The following RALA variants were observed in gnomAD, a reference collection of about 807,000 sequenced individuals.
RALA encodes RAS like proto-oncogene A, also known as ras-related protein Ral-A.
RALA carries 5 observed loss-of-function variants against 24.0 expected under a neutral mutation model. The ratio of observed to expected loss-of-function variants is 0.21; its 90% CI spans 0.11 to 0.44. The LOEUF (loss-of-function observed/expected upper bound fraction) is 0.44. Among genes scored for constraint, RALA ranks in the 20% least tolerant of loss-of-function variants. The pLI, the probability that RALA is intolerant of heterozygous loss-of-function variation, is 0.99. For missense variants in RALA, 95 were observed against 241.2 expected, an observed-to-expected ratio of 0.39 and a Z score of 4.01; for synonymous variants, 77 against 83.8, an observed-to-expected ratio of 0.92 and a Z score of 0.44.
chr7:39,649,658 A>G (rs1791987977), intron 1 of RALA, among the ~76,000 whole-genome samples: 2 of 152,318 alleles, frequency 1.3e-5, no homozygotes, highest in Admixed American at 6.5e-5. Flanking sequence ...CCACAGAACT[A>G]TGAGAAATAA....
At chr7:39,641,139 G>A (rs1791809065) in intron 1 of RALA, among the ~76,000 whole-genome samples, 1 of 152,086 alleles carries the variant, frequency 6.6e-6, no homozygotes, top group African/African-American at 2.4e-5. Context: ...AGGAGGGGAA[G>A]GGGTGCTGGA....
chr7:39,684,712 TA>T (rs34582850), intron 1 of RALA, among the ~76,000 whole-genome samples: 243 of 110,356 alleles, frequency 2.2e-3, no homozygotes, highest in African/African-American at 3.0e-3. Flanking sequence ...GCTGATGAGC[TA>T]AAAAAAAAAA....
chr7:39,661,531 C>G (rs1196648603), intron 1 of RALA, among the ~76,000 whole-genome samples: 1 of 152,226 alleles, frequency 6.6e-6, no homozygotes, highest in Admixed American at 6.5e-5. Context: ...GCCAAAGGCC[C>G]TATGCAAGTC....
chr7:39,679,824 C>T (rs1792556376), intron 1 of RALA, among the ~76,000 whole-genome samples: 1 of 151,952 alleles, frequency 6.6e-6, no homozygotes, highest in Admixed American at 6.6e-5. Context: ...GAGTTTCCTG[C>T]CTCAGCCTCC....
chr7:39,692,741 A>G (rs1006991663), intron 3 of RALA, among the ~76,000 whole-genome samples: 1 of 152,212 alleles, frequency 6.6e-6, no homozygotes, highest in Non-Finnish European at 1.5e-5. Flanking sequence ...GACTCAGAGT[A>G]GCTTAGTAGG....
intron 1 of RALA, among the ~76,000 whole-genome samples, chr7:39,681,587 C>A (rs1162530844): frequency 6.6e-6 from 1 of 151,990 alleles, no homozygotes; most frequent in Non-Finnish European, 1.5e-5. Flanking sequence ...CTCAGTCGGT[C>A]GGCAGGATTT....
intron 2 of RALA, among the ~76,000 whole-genome samples, chr7:39,687,223 C>T (rs1463591561): frequency 2.6e-5 from 4 of 152,022 alleles, no homozygotes; most frequent in East Asian, 1.9e-4. Flanking sequence ...GTTAGGAGAT[C>T]GAGACCATCC....
At chr7:39,705,626 G>A (rs1253388509) in intron 4 of RALA, among the ~76,000 whole-genome samples, 1 of 151,770 alleles carries the variant, frequency 6.6e-6, no homozygotes, top group African/African-American at 2.4e-5. Flanking sequence ...CATAGTGTCT[G>A]GTATCAAGAT....
chr7:39,688,351 G>A (rs1391031734), intron 2 of RALA, among the ~76,000 whole-genome samples: 1 of 151,530 alleles, frequency 6.6e-6, no homozygotes, highest in Non-Finnish European at 1.5e-5. Context: ...CAATGACTGT[G>A]CCACTGCATT....
intron 4 of RALA, among the ~76,000 whole-genome samples, chr7:39,699,272 C>G (rs1202554968): frequency 6.7e-6 from 1 of 149,938 alleles, no homozygotes; most frequent in Non-Finnish European, 1.5e-5. Context: ...TCCCGAGTAG[C>G]TGGGACTACA....
intron 1 of RALA, among the ~76,000 whole-genome samples, chr7:39,651,713 A>G (rs1792021115): frequency 3.3e-5 from 5 of 152,088 alleles, no homozygotes; most frequent in African/African-American, 1.2e-4. Flanking sequence ...TTATTTTGCT[A>G]TCTAATTTTT....
chr7:39,654,230 T>C lies in RALA; in HGVS notation c.-38+30405T>C, dbSNP rs868587838. ...GCTTCTTTCACCATTGAATAATATG[T>C]TATCAAATATGCATTAAATTGGTCG... is the stretch of plus-strand genomic sequence containing the variant. On this transcript the variant is annotated intron_variant, in intron 1 of 4. Coordinates refer to ENST00000005257, the MANE Select transcript of RALA (RefSeq NM_005402.4). Among the ~76,000 whole-genome samples, 10 of 152,350 alleles carry C rather than the reference T, an allele frequency of 6.6e-5. 1 individual carries two copies. In the Middle Eastern group the frequency reaches 0.02, roughly 311 times the overall value.
At chr7:39,625,540 C>T (rs980576463) in intron 1 of RALA, among the ~76,000 whole-genome samples, 3 of 152,192 alleles carry the variant, frequency 2.0e-5, no homozygotes, top group Admixed American at 1.3e-4. Context: ...ACACGCAATC[C>T]TCTGAAATCC....
At chr7:39,698,906 G>A (rs1792966851) in intron 4 of RALA, among the ~76,000 whole-genome samples, 1 of 152,098 alleles carries the variant, frequency 6.6e-6, no homozygotes, top group Middle Eastern at 3.4e-3. Context: ...AGAGAGGCTC[G>A]GTCTCACTTA....
rs140449756 is a variant in RALA, at chr7:39,643,066, A to G, written c.-38+19241A>G. Among the ~76,000 whole-genome samples, 78 of 152,348 alleles carry G rather than the reference A, an allele frequency of 5.1e-4. 2 individuals are homozygous for G. In the East Asian group the frequency reaches 0.014, roughly 27 times the overall value. The stretch of plus-strand genomic sequence containing the variant: ...AATCTGTAGATTTCCTTCTGTTCCC[A>G]TGCCCTGACCTAAGCAATTTTATAT... On this transcript the variant is annotated intron_variant, in intron 1 of 4. Coordinates refer to ENST00000005257, the MANE Select transcript of RALA (RefSeq NM_005402.4).
chr7:39,692,268 A>G (rs775132334), intron 3 of RALA, among the ~76,000 whole-genome samples: 117 of 152,290 alleles, frequency 7.7e-4, no homozygotes, highest in Non-Finnish European at 2.6e-4. Context: ...TATATATGCA[A>G]TGTCCTTGCT....
At chr7:39,697,948 A>AGTGTGTGTGTGT (rs370929636) in intron 4 of RALA, among the ~76,000 whole-genome samples, 2 of 148,790 alleles carry the variant, frequency 1.3e-5, no homozygotes, top group Admixed American at 6.7e-5. Context: ...GACTAGGGCA[A>AGTGTGTGTGTGT]GTGTGTGTGT....
intron 1 of RALA, among the ~76,000 whole-genome samples, chr7:39,666,134 A>G (rs568714356): frequency 6.6e-6 from 1 of 150,918 alleles, no homozygotes; most frequent in South Asian, 2.1e-4. Context: ...TTTCCTTGGA[A>G]TTTTTCTCTT....
chr7:39,649,741 T>C (rs944018190), intron 1 of RALA, among the ~76,000 whole-genome samples: 2 of 151,852 alleles, frequency 1.3e-5, no homozygotes, highest in African/African-American at 4.8e-5. Context: ...AGTGAACTCA[T>C]GAAAGGAATG....
Sources: allele counts gnomAD v4.1 joint callset (sites outside exome capture counted in the v4.1 genomes callset), GRCh38; gene constraint gnomAD v4.1.1; transcripts MANE v1.5; gene names NCBI Gene and HGNC (gene_info 2026-07-23, HGNC 2026-07-21).